Variants in CELF6 observed in about 807,000 individuals in gnomAD.
CELF6 encodes CUGBP Elav-like family member 6, also known as Bruno -like 6, RNA binding protein.
CELF6 carries 32 observed loss-of-function variants against 53.1 expected under a neutral mutation model. The observed-to-expected ratio is 0.60, with a 90% CI of 0.46 to 0.81. The LOEUF is 0.81. Among genes scored for constraint, CELF6 ranks in the 30% least tolerant of loss-of-function variants. CELF6 has a pLI of 0.00. For synonymous variants in CELF6, 291 were observed against 288.8 expected, an observed-to-expected ratio of 1.01 and a Z score of -0.08; for missense variants, 539 against 669.5, an observed-to-expected ratio of 0.81 and a Z score of 2.15.
intron 2 of CELF6, among the ~76,000 whole-genome samples, chr15:72,314,515 G>A (rs1226566488): frequency 1.8e-4 from 27 of 151,292 alleles, no homozygotes; most frequent in South Asian, 2.1e-4. Context: ...TCCAAGTAAC[G>A]TGCCCAGAGA....
At position 72,285,952 on chromosome 15, in the gene CELF6, G is replaced by A. The variant is rs1324731047; in HGVS notation, c.*419C>T. On this transcript the variant is annotated 3_prime_UTR_variant, in exon 13 of 13. Coordinates refer to ENST00000287202, the MANE Select transcript of CELF6 (RefSeq NM_052840.5). ...GTCTTTTTTTGTAGTTGTTTGTCTTGTTTTTTGTTTGTTTGTTTCTTTGTT... is the reference window on the plus strand; with the variant it reads ...GTCTTTTTTTGTAGTTGTTTGTCTTATTTTTTGTTTGTTTGTTTCTTTGTT... 3 of 152,382 alleles carry A rather than the reference G, an allele frequency of 2.0e-5. No homozygotes were observed. Among genetic ancestry groups the A allele is most frequent in the Admixed American group, 1.3e-4 (2 of 15,254 alleles). The allele number at this position is 152,382 out of a possible 1,614,324, so 9.4% of individuals were successfully genotyped here.
intron 2 of CELF6, among the ~76,000 whole-genome samples, chr15:72,308,306 G>A (rs576072650): frequency 9.2e-5 from 14 of 152,128 alleles, no homozygotes; most frequent in African/African-American, 2.9e-4. Flanking sequence ...TCGCCTCACC[G>A]AAACCTCTGC....
chr15:72,310,345 G>C (rs1467488905), intron 2 of CELF6, among the ~76,000 whole-genome samples: 5 of 152,018 alleles, frequency 3.3e-5, no homozygotes, highest in African/African-American at 9.7e-5. Flanking sequence ...CCACTGTCAA[G>C]TCCCATTGGT....
At chr15:72,313,857 A>C in intron 2 of CELF6, 83 of 432,644 alleles carry the variant, frequency 1.9e-4, no homozygotes, top group Non-Finnish European at 2.3e-4. Context: ...CAGCTAACTC[A>C]TATCGAGTGC....
Position 72,319,092 on chromosome 15 carries a change from T to C in CELF6, c.262+521A>G, listed in dbSNP as rs1328116903. 6.6e-6 allele frequency among the ~76,000 whole-genome samples: 1 copy of C among 151,972 alleles called. No homozygotes were observed. Among genetic ancestry groups the C allele is most frequent in the African/African-American group, 2.4e-5 (1 of 41,360 alleles). ...GGGAGGGTTTGGGTCTGCGGTGTTT[T>C]AGGTTGGCAGTCTGAGAGTCAAAAG... On this transcript the variant is annotated intron_variant, in intron 1 of 12. Transcript: ENST00000287202. The surrounding 1 kb of genome is among the most constrained non-coding windows in gnomAD (Gnocchi z 5.0).
At chr15:72,311,108 C>T (rs2088288000) in intron 2 of CELF6, among the ~76,000 whole-genome samples, 1 of 152,090 alleles carries the variant, frequency 6.6e-6, no homozygotes, top group South Asian at 2.1e-4. Context: ...TCTACTCCCT[C>T]CCCATTTCTT....
intron 3 of CELF6, chr15:72,292,087 A>T (rs1412512909): frequency 1.5e-6 from 1 of 666,664 alleles, no homozygotes; most frequent in Non-Finnish European, 2.5e-6. Context: ...TAAGAGAAAA[A>T]TAGAACTGCT....
intron 2 of CELF6, among the ~76,000 whole-genome samples, chr15:72,311,405 CTT>C (rs531976963): frequency 1.8e-4 from 25 of 138,522 alleles, no homozygotes; most frequent in Admixed American, 2.9e-4. Context: ...CACCTTTTTT[CTT>C]TTTTTTTTTT....
In CELF6 at chr15:72,289,043, G is replaced by A; in HGVS notation, c.1030+95C>T. 1.6e-6 allele frequency: 2 copies of A among 1,238,970 alleles called. No individual in the cohort carries two copies. The highest frequency in any genetic ancestry group is 1.1e-6 in the Non-Finnish European group (1 of 893,546). The allele number at this position is 1,238,970 out of a possible 1,614,324, so 76.7% of individuals were successfully genotyped here. On this transcript the variant is annotated intron_variant, in intron 8 of 12. Transcript: ENST00000287202. The surrounding 1 kb of genome is among the most constrained non-coding windows in gnomAD (Gnocchi z 7.6). ...GCGGCTGTGAGAGACAGCAGGGAAGGAGGGGGATCTCTTCCCAGGGAAGCC... is the reference window on the plus strand; with the variant it reads ...GCGGCTGTGAGAGACAGCAGGGAAGAAGGGGGATCTCTTCCCAGGGAAGCC...
At position 72,289,220 on chromosome 15, in the gene CELF6, A is replaced by T; in HGVS notation, c.948T>A (p.Asn316Lys). 1 of 1,574,462 alleles carries T rather than the reference A, an allele frequency of 6.4e-7. No individual in the cohort carries two copies. The highest frequency in any genetic ancestry group is 8.6e-7 in the Non-Finnish European group (1 of 1,167,304). The change falls in exon 8 of 13, where the codon AAT becomes AAA. Residue 316 changes from asparagine (N) to lysine (K), a missense_variant. Transcript: ENST00000287202. The surrounding 1 kb of genome is among the most constrained non-coding windows in gnomAD (Gnocchi z 7.6). ...TCTGGGGGGTCAGAGGGCCGAATCC[A>T]TTGACCCCGATGGGCGCCGGAAGAC... ...LPGLPAPIGV[N>K]GFGPLTPQTN...
intron 12 of CELF6, among the ~76,000 whole-genome samples, chr15:72,286,713 C>T (rs2087927143): frequency 6.6e-6 from 1 of 152,210 alleles, no homozygotes; most frequent in Admixed American, 6.5e-5. Flanking sequence ...CTCCCCATCA[C>T]CCACCAGGCC....
In CELF6 at chr15:72,296,414, T is replaced by C. The variant is rs1233167219; in HGVS notation, c.395-6159A>G. Among the ~76,000 whole-genome samples, 6 of 152,218 alleles carry C rather than the reference T, an allele frequency of 3.9e-5. No homozygotes were observed. The East Asian group carries it at 1.2e-3, about 29-fold the overall frequency. ...AATTAAAAACTTTAACAAGGATCTA[T>C]TGGAGGGCAAAAATAAAAAACTAGA... On this transcript the variant is annotated intron_variant, in intron 3 of 12. Transcript: ENST00000287202.
intron 3 of CELF6, among the ~76,000 whole-genome samples, chr15:72,292,546 A>G (rs2088019549): frequency 6.6e-6 from 1 of 152,244 alleles, no homozygotes; most frequent in South Asian, 2.1e-4. Context: ...ATATCATACC[A>G]CATGGACCAG....
At position 72,288,860 on chromosome 15, in the gene CELF6, A is replaced by G; in HGVS notation, c.1093+8T>C. On this transcript the variant is annotated splice_region_variant and intron_variant, in intron 9 of 12. Transcript: ENST00000287202. The surrounding 1 kb of genome is among the most constrained non-coding windows in gnomAD (Gnocchi z 4.6). ...ACCTCCCCCAGGCCGCGTAGCGCCAAGTGAAACCTGCGTAGTGGTGCATCC... is the reference window on the plus strand; with the variant it reads ...ACCTCCCCCAGGCCGCGTAGCGCCAGGTGAAACCTGCGTAGTGGTGCATCC... 6.4e-7 allele frequency: 1 copy of G among 1,550,716 alleles called. No individual in the cohort carries two copies. Among genetic ancestry groups the G allele is most frequent in the Non-Finnish European group, 8.7e-7 (1 of 1,146,792 alleles).
chr15:72,310,725 A>G lies in CELF6; in HGVS notation c.345+5120T>C, dbSNP rs116965242. On this transcript the variant is annotated intron_variant, in intron 2 of 12. Coordinates refer to ENST00000287202, the MANE Select transcript of CELF6 (RefSeq NM_052840.5). Reference sequence around the variant, plus strand: ...AGGCTGGTCTCAAACTTCTGGGCTCAGCGATCCTCCAGTCTCAGCCTCCCA... The same window carrying G: ...AGGCTGGTCTCAAACTTCTGGGCTCGGCGATCCTCCAGTCTCAGCCTCCCA... Among the ~76,000 whole-genome samples, 166 of 152,030 alleles carry G rather than the reference A, an allele frequency of 1.1e-3. 3 individuals carry two copies. In the East Asian group the frequency reaches 0.031, roughly 28 times the overall value.
At chr15:72,292,213 C>G (rs1363120643) in intron 3 of CELF6, 1 of 1,535,448 alleles carries the variant, frequency 6.5e-7, no homozygotes, top group South Asian at 1.2e-5. Flanking sequence ...AGATAGAGAA[C>G]AGAGTTCCAG....
intron 3 of CELF6, among the ~76,000 whole-genome samples, chr15:72,302,470 A>G (rs755209387): frequency 9.8e-5 from 15 of 152,332 alleles, no homozygotes; most frequent in Admixed American, 4.6e-4. Flanking sequence ...TGGAAATGCC[A>G]TATGTACAGA....
At chr15:72,304,716 A>G (rs2088204159) in intron 3 of CELF6, 30 bp downstream of exon 3, 1 of 1,610,728 alleles carries the variant, frequency 6.2e-7, no homozygotes, top group Non-Finnish European at 8.5e-7. Flanking sequence ...CACGGGTTGC[A>G]GCCTGAGGTT....
At chr15:72,287,538 T>C in intron 11 of CELF6, 146 bp from the exon 12 acceptor site, 1 of 874,114 alleles carries the variant, frequency 1.1e-6, no homozygotes, top group Non-Finnish European at 1.7e-6. Flanking sequence ...TACAGAGTCA[T>C]AGGCAGATGG....
Sources: allele counts gnomAD v4.1 joint callset (sites outside exome capture counted in the v4.1 genomes callset), GRCh38; gene constraint gnomAD v4.1.1; non-coding constraint Gnocchi (gnomAD v3.1); transcripts MANE v1.5; gene names NCBI Gene and HGNC (gene_info 2026-07-23, HGNC 2026-07-21).